ATXN7L1: variants seen among roughly 807,000 people sequenced by gnomAD.
ATXN7L1 encodes the protein ataxin 7 like 1.
ATXN7L1 carries 15 observed loss-of-function variants against 70.8 expected under a neutral mutation model. The observed-to-expected ratio is 0.21, with a 90% confidence interval of 0.14 to 0.33. The LOEUF is 0.33. ATXN7L1 is among the 10% of genes least tolerant of loss of function. The pLI is 1.00. For missense variants in ATXN7L1, 975 were observed against 1,097.1 expected, an observed-to-expected ratio of 0.89 and a Z score of 1.57; for synonymous variants, 440 against 445.1, an observed-to-expected ratio of 0.99 and a Z score of 0.14.
intron 10 of ATXN7L1, 121 bp downstream of exon 10, chr7:105,613,741 G>A: frequency 6.6e-7 from 1 of 1,523,642 alleles, no homozygotes. Context: ...CTGCCTTCGG[G>A]GAAAACGAGA....
At chr7:105,642,702 G>A in intron 5 of ATXN7L1, 136 bp downstream of exon 5, 1 of 1,138,498 alleles carries the variant, frequency 8.8e-7, no homozygotes. Context: ...TGGGGTTCCT[G>A]TTTGCAGGTA....
At chr7:105,790,606 TTATC>T (rs55703123) in intron 2 of ATXN7L1, among the ~76,000 whole-genome samples, 23,966 of 131,642 alleles carry the variant, frequency 0.18, 2,997 homozygotes, top group Middle Eastern at 0.23. Context: ...AAGAAAAAAA[TTATC>T]TATCTATCTA....
rs571827579 is a variant in ATXN7L1, at chr7:105,666,972, T to G, written c.356-1684A>C. 2.6e-5 allele frequency among the ~76,000 whole-genome samples: 4 copies of G among 152,340 alleles called. No individual in the cohort carries two copies. The South Asian group carries it at 8.3e-4, about 32-fold the overall frequency. On this transcript the variant is annotated intron_variant, in intron 3 of 11. Coordinates refer to ENST00000419735, the MANE Select transcript of ATXN7L1 (RefSeq NM_020725.2). ...TGAATGAAGTGGGTCCCTAGATGGC[T>G]TCGAAGCCTCCTTCCACTCAATCAC...
At chr7:105,623,951 G>A in intron 8 of ATXN7L1, 124 bp downstream of exon 8, 5 of 869,276 alleles carry the variant, frequency 5.8e-6, no homozygotes, top group Non-Finnish European at 7.8e-6. Flanking sequence ...CTCATGGTAA[G>A]CCTTTTTGTA....
Position 105,614,895 on chromosome 7 carries a change from G to A in ATXN7L1, c.1518-79C>T, listed in dbSNP as rs1423009949. The A allele has an allele frequency of 2.0e-6, 3 of 1,472,846 alleles. No individual in the cohort carries two copies. Among genetic ancestry groups the A allele is most frequent in the Non-Finnish European group, 2.7e-6 (3 of 1,100,762 alleles). 91.2% of individuals were successfully genotyped at this position (1,472,846 alleles called of 1,614,324 possible). A position where few individuals can be genotyped will look rare whatever the true frequency, so the allele number is the denominator to read the frequency against. On this transcript the variant is annotated intron_variant, in intron 9 of 11. Transcript: ENST00000419735. The surrounding 1 kb of genome is among the most constrained non-coding windows in gnomAD (Gnocchi z 4.3). Reference sequence around the variant, plus strand: ...CTCAGGAGGCTCGATGACGTTTGAGGATCAGGGCTACAGAGGACACCCCGG... The same window carrying A: ...CTCAGGAGGCTCGATGACGTTTGAGAATCAGGGCTACAGAGGACACCCCGG...
chr7:105,628,766 C>T (rs909565357), intron 7 of ATXN7L1, among the ~76,000 whole-genome samples: 23 of 151,204 alleles, frequency 1.5e-4, no homozygotes, highest in African/African-American at 4.9e-4. Flanking sequence ...GTACTCCAGC[C>T]GGGGCCACAG....
intron 3 of ATXN7L1, among the ~76,000 whole-genome samples, chr7:105,717,650 A>T (rs1334506052): frequency 1.3e-5 from 2 of 152,180 alleles, no homozygotes; most frequent in East Asian, 3.9e-4. Flanking sequence ...ACATGAAGGG[A>T]GCCCCAATTT....
chr7:105,775,613 A>G (rs959323400), intron 3 of ATXN7L1, among the ~76,000 whole-genome samples: 1 of 152,184 alleles, frequency 6.6e-6, no homozygotes, highest in African/African-American at 2.4e-5. Flanking sequence ...AAAATCCTGT[A>G]GGACAAAAAC....
At chr7:105,779,030 C>G (rs1442502293) in intron 3 of ATXN7L1, among the ~76,000 whole-genome samples, 1 of 152,200 alleles carries the variant, frequency 6.6e-6, no homozygotes, top group Admixed American at 6.5e-5. Context: ...TTTCAGCATC[C>G]TACAGGGGAT....
chr7:105,704,462 T>C (rs752571549), intron 3 of ATXN7L1, among the ~76,000 whole-genome samples: 12 of 151,758 alleles, frequency 7.9e-5, no homozygotes, highest in Non-Finnish European at 1.8e-4. Context: ...AAGCAACAAA[T>C]AACAGGCTAA....
chr7:105,817,426 T>A (rs1289248903), intron 2 of ATXN7L1, among the ~76,000 whole-genome samples: 1 of 152,198 alleles, frequency 6.6e-6, no homozygotes, highest in Admixed American at 6.5e-5. Context: ...TGTACTGAGG[T>A]TATGTAAGAG....
intron 7 of ATXN7L1, among the ~76,000 whole-genome samples, chr7:105,626,379 A>AT (rs1406748680): frequency 6.6e-6 from 1 of 152,220 alleles, no homozygotes; most frequent in Non-Finnish European, 1.5e-5. Context: ...GGGAGGGGGT[A>AT]TTTAGTGGAT....
intron 3 of ATXN7L1, among the ~76,000 whole-genome samples, chr7:105,766,660 G>A (rs1180096638): frequency 6.6e-5 from 10 of 152,174 alleles, no homozygotes; most frequent in Admixed American, 5.2e-4. Context: ...CTCCACCCTC[G>A]AGAAGTGACG....
chr7:105,839,561 G>GTGAGA (rs1812900635), intron 2 of ATXN7L1, among the ~76,000 whole-genome samples: 1 of 152,210 alleles, frequency 6.6e-6, no homozygotes, highest in East Asian at 1.9e-4. Context: ...AGAGCACAAG[G>GTGAGA]TGAGATGAGA....
intron 3 of ATXN7L1, among the ~76,000 whole-genome samples, chr7:105,697,735 G>A (rs760858953): frequency 3.3e-5 from 5 of 152,238 alleles, no homozygotes; most frequent in Non-Finnish European, 7.3e-5. Context: ...AGAGATTGCA[G>A]TAAAGACAGG....
chr7:105,791,471 A>G (rs1805227681), intron 2 of ATXN7L1, among the ~76,000 whole-genome samples: 1 of 152,206 alleles, frequency 6.6e-6, no homozygotes, highest in Non-Finnish European at 1.5e-5. Flanking sequence ...CAGGACCCTC[A>G]GTTCAGAGCC....
intron 7 of ATXN7L1, among the ~76,000 whole-genome samples, chr7:105,628,863 A>G (rs1002305925): frequency 2.6e-5 from 4 of 151,990 alleles, no homozygotes; most frequent in Non-Finnish European, 4.4e-5. Context: ...AAGGTATACA[A>G]TGTGATTTGG....
intron 5 of ATXN7L1, among the ~76,000 whole-genome samples, chr7:105,641,212 C>CTTTTTTTTTTTTTTTTTTTTTTTT (rs1330033741): frequency 4.7e-5 from 3 of 64,028 alleles, no homozygotes; most frequent in Admixed American, 1.9e-4. Context: ...CTCTCTCTCT[C>CTTTTTTTTTTTTTTTTTTTTTTTT]TCTTTTTTTT....
intron 2 of ATXN7L1, among the ~76,000 whole-genome samples, chr7:105,869,844 T>C (rs773999558): frequency 6.6e-6 from 1 of 152,112 alleles, no homozygotes; most frequent in African/African-American, 2.4e-5. Context: ...TTATCGATCA[T>C]TGAAAAAAGT....
Sources: gnomAD v4.1 joint callset for allele counts (sites outside exome capture counted in the v4.1 genomes callset) on GRCh38, gnomAD v4.1.1 for gene constraint, Gnocchi (gnomAD v3.1) non-coding constraint, MANE v1.5 for transcripts, NCBI Gene and HGNC (gene_info 2026-07-23, HGNC 2026-07-21) for gene names.